Variants in IQSEC1 observed in about 807,000 individuals in gnomAD.
The protein encoded by IQSEC1 is IQ motif and Sec7 domain ArfGEF 1, also known as IQ motif and SEC7 domain-containing protein 1.
IQSEC1 carries 31 observed loss-of-function variants against 91.0 expected under a neutral mutation model. That is an observed-to-expected ratio of 0.34 (90% CI 0.26 to 0.46). The LOEUF is 0.46. Among genes scored for constraint, IQSEC1 ranks in the 20% least tolerant of loss-of-function variants. IQSEC1 has a pLI of 1.00. For missense variants in IQSEC1, 1,388 were observed against 1,575.6 expected (o/e 0.88, Z 2.02); for synonymous variants, 699 against 662.6 (o/e 1.05, Z -0.84).
chr3:12,916,215 GTCC>G (rs1399192188), intron 6 of IQSEC1, among the ~76,000 whole-genome samples: 2 of 152,150 alleles, frequency 1.3e-5, no homozygotes, highest in East Asian at 3.9e-4. Context: ...CATGCTTGGT[GTCC>G]TCCTCTAAAA....
chr3:13,275,733 C>T (rs1421037750), intron 1 of IQSEC1, among the ~76,000 whole-genome samples: 1 of 152,238 alleles, frequency 6.6e-6, no homozygotes, highest in Non-Finnish European at 1.5e-5. Context: ...GTACAGGTCT[C>T]CATCTCCTAT....
At position 13,009,328 on chromosome 3, in the gene IQSEC1, C is replaced by T. The variant is rs570615605; in HGVS notation, c.23+63664G>A. On this transcript the variant is annotated intron_variant, in intron 1 of 13. Transcript: ENST00000613206. ...CTAAATGGCCTGCTGCCTTGATTTC[C>T]CCTTTGTGCCATGAGGGTGTGGGCA... 4.3e-4 allele frequency among the ~76,000 whole-genome samples: 65 copies of T among 152,252 alleles called. No individual in the cohort carries two copies. The Middle Eastern group carries it at 0.014, about 32-fold the overall frequency.
intron 1 of IQSEC1, among the ~76,000 whole-genome samples, chr3:12,943,981 T>C (rs1430525749): frequency 1.3e-5 from 2 of 152,144 alleles, no homozygotes; most frequent in African/African-American, 4.8e-5. Context: ...AGCTGGGCCA[T>C]GACAGAGGCG....
At chr3:13,145,334 T>C (rs1303327809) in intron 2 of IQSEC1, among the ~76,000 whole-genome samples, 1 of 152,134 alleles carries the variant, frequency 6.6e-6, no homozygotes, top group Non-Finnish European at 1.5e-5. Context: ...CACCCAGCTG[T>C]CTACTCCACC....
At chr3:13,156,692 G>A (rs1221586002) in intron 2 of IQSEC1, among the ~76,000 whole-genome samples, 1 of 152,262 alleles carries the variant, frequency 6.6e-6, no homozygotes, top group Non-Finnish European at 1.5e-5. Context: ...GTGGGGACAG[G>A]CAGATAAGGG....
upstream of IQSEC1, among the ~76,000 whole-genome samples, chr3:13,077,746 G>A (rs527881768): frequency 3.9e-5 from 6 of 152,330 alleles, no homozygotes; most frequent in Non-Finnish European, 7.4e-5. Flanking sequence ...ATGTGTGTGG[G>A]CTTCTGGAAG....
intron 2 of IQSEC1, among the ~76,000 whole-genome samples, chr3:13,127,220 C>A (rs997604174): frequency 4.6e-5 from 7 of 151,960 alleles, no homozygotes; most frequent in Admixed American, 1.3e-4. Flanking sequence ...CGAGACCAGC[C>A]TGGCCAACAT....
intron 1 of IQSEC1, among the ~76,000 whole-genome samples, chr3:12,960,805 A>G (rs2600205): frequency 0.43 from 65,711 of 152,052 alleles, 14,865 homozygotes; most frequent in Non-Finnish European, 0.49. Context: ...CACCAAAAAC[A>G]GTTGAGGCTT....
chr3:13,054,896 G>A (rs1014926232), intron 1 of IQSEC1, among the ~76,000 whole-genome samples: 9 of 152,196 alleles, frequency 5.9e-5, no homozygotes, highest in African/African-American at 2.2e-4. Context: ...TTTGTAAAAC[G>A]GGGCTGATCA....
chr3:13,199,463 G>A (rs189260238), intron 1 of IQSEC1, among the ~76,000 whole-genome samples: 30 of 152,246 alleles, frequency 2.0e-4, no homozygotes, highest in African/African-American at 5.1e-4. Flanking sequence ...TGGGCAGCTC[G>A]CACAGGACTG....
intron 2 of IQSEC1, among the ~76,000 whole-genome samples, chr3:13,095,417 T>C (rs887314163): frequency 6.6e-6 from 1 of 152,084 alleles, no homozygotes; most frequent in Non-Finnish European, 1.5e-5. Flanking sequence ...TGCGCTCCTT[T>C]AGGGAAGTGC....
chr3:12,952,325 G>T (rs555212861), intron 1 of IQSEC1, among the ~76,000 whole-genome samples: 55 of 152,284 alleles, frequency 3.6e-4, no homozygotes, highest in African/African-American at 1.2e-3. Flanking sequence ...GCGGGGTGCA[G>T]TTGGGGTCCT....
chr3:13,056,803 C>G (rs1427153811), intron 1 of IQSEC1, among the ~76,000 whole-genome samples: 1 of 152,106 alleles, frequency 6.6e-6, no homozygotes, highest in Non-Finnish European at 1.5e-5. Context: ...CCCAATTCAC[C>G]TAGCAACTTA....
chr3:13,079,252 C>T (rs1159037478), intron 2 of IQSEC1, among the ~76,000 whole-genome samples: 1 of 152,246 alleles, frequency 6.6e-6, no homozygotes, highest in East Asian at 1.9e-4. Flanking sequence ...TGGCCCTGAG[C>T]CTTCCTAAAC....
rs933153014 is a variant in IQSEC1 at position 13,211,112 on chromosome 3, T to C, written c.273-46979A>G. On this transcript the variant is annotated intron_variant, in intron 1 of 15. Transcript: ENST00000648114. This position sits in a 1 kb window ranked among gnomAD's most constrained non-coding sequence, Gnocchi z 5.3. The stretch of plus-strand genomic sequence containing the variant: ...ACACACAGTAGGTGTGCAGTAAAGG[T>C]GTGTCGGATGACTGAGTGATCTCCA... 4.6e-5 allele frequency among the ~76,000 whole-genome samples: 7 copies of C among 152,192 alleles called. No individual in the cohort carries two copies. Among genetic ancestry groups the C allele is most frequent in the African/African-American group, 1.7e-4 (7 of 41,452 alleles).
chr3:13,173,413 TG>T (rs1415626981), intron 1 of IQSEC1, among the ~76,000 whole-genome samples: 2 of 152,180 alleles, frequency 1.3e-5, no homozygotes, highest in African/African-American at 4.8e-5. Flanking sequence ...CCGGGGGCCT[TG>T]CTCCCTGCAC....
intron 1 of IQSEC1, among the ~76,000 whole-genome samples, chr3:12,950,668 A>T (rs1019543148): frequency 6.7e-6 from 1 of 148,210 alleles, no homozygotes; most frequent in African/African-American, 2.5e-5. Flanking sequence ...TTTGATACGG[A>T]GTCTCACTCT....
chr3:13,117,643 C>A (rs1239848311), intron 2 of IQSEC1, among the ~76,000 whole-genome samples: 1 of 145,158 alleles, frequency 6.9e-6, no homozygotes, highest in African/African-American at 2.6e-5. Context: ...TCCCAGCACT[C>A]TGAGAGGCCA....
At chr3:13,268,603 G>A (rs553046586) in intron 1 of IQSEC1, among the ~76,000 whole-genome samples, 33 of 152,188 alleles carry the variant, frequency 2.2e-4, no homozygotes, top group African/African-American at 6.7e-4. Flanking sequence ...ACGAATATCC[G>A]TAAAAGGGCC....
Sources: gnomAD v4.1 joint callset for allele counts (sites outside exome capture counted in the v4.1 genomes callset) on GRCh38, gnomAD v4.1.1 for gene constraint, Gnocchi (gnomAD v3.1) non-coding constraint, MANE v1.5 for transcripts, NCBI Gene and HGNC (gene_info 2026-07-23, HGNC 2026-07-21) for gene names.